Variants in SPAG17 observed in about 807,000 individuals in gnomAD.
SPAG17 encodes the protein sperm-associated antigen 17.
A neutral mutation model predicts 273.6 loss-of-function variants in SPAG17; 169 were observed. The ratio of observed to expected loss-of-function variants is 0.62; its 90% CI spans 0.55 to 0.70. The LOEUF (loss-of-function observed/expected upper bound fraction) is 0.70, where lower values mean the gene tolerates loss of function less well. Among genes scored for constraint, SPAG17 ranks in the 30% least tolerant of loss-of-function variants. The probability of loss-of-function intolerance (pLI) is 0.00; values close to 1 mark genes in which losing one functional copy is unlikely to be tolerated. For synonymous variants in SPAG17, 825 were observed against 873.2 expected (o/e 0.94, Z 0.97); for missense variants, 2,557 against 2,627.8 (o/e 0.97, Z 0.59).
chr1:117,968,961 A>G (rs78346219), intron 46 of SPAG17, among the ~76,000 whole-genome samples: 1 of 152,132 alleles, frequency 6.6e-6, no homozygotes, highest in Non-Finnish European at 1.5e-5. Context: ...CATTTTTAAC[A>G]TCCTCTGCGC....
intron 10 of SPAG17, among the ~76,000 whole-genome samples, chr1:118,089,354 T>TGTGTGTGTGA (rs1207965049): frequency 6.6e-6 from 1 of 150,628 alleles, no homozygotes; most frequent in East Asian, 2.0e-4. Context: ...TGTGTGTGTG[T>TGTGTGTGTGA]GGTGGCAGGT....
rs373972955 is a variant in SPAG17, at chr1:117,996,448, C to T, written c.4975G>A (p.Asp1659Asn). Residue 1659 changes from aspartate (D) to asparagine (N), a missense_variant, in exon 34 of 49, where the codon GAC becomes AAC. By Grantham distance (23) the Asp-to-Asn change is conservative. Coordinates refer to ENST00000336338, the MANE Select transcript of SPAG17 (RefSeq NM_206996.4). Reference protein sequence around the residue: ...GSGMELLRDSDIEEYLSLAYK... With the variant: ...GSGMELLRDSNIEEYLSLAYK... ...GCCAAAGATAGATATTCTTCTATGTCACTGTCTCGAAGAAGTTCCATTCCT... is the reference window on the plus strand; with the variant it reads ...GCCAAAGATAGATATTCTTCTATGTTACTGTCTCGAAGAAGTTCCATTCCT... 3 of 1,612,894 alleles carry T rather than the reference C, an allele frequency of 1.9e-6. No homozygotes were observed. The highest frequency in any genetic ancestry group is 1.3e-5 in the African/African-American group (1 of 74,846).
intron 1 of SPAG17, among the ~76,000 whole-genome samples, chr1:118,170,244 T>G (rs530509364): frequency 2.1e-3 from 314 of 152,254 alleles, no homozygotes; most frequent in African/African-American, 7.3e-3. Context: ...GGGGGACATA[T>G]AAGAAGAGTA....
chr1:118,086,154 T>A, intron 12 of SPAG17, 82 bp from the exon 13 acceptor site: 1 of 1,235,426 alleles, frequency 8.1e-7, no homozygotes, highest in South Asian at 1.3e-5. Context: ...CTAAACATGA[T>A]ACCTTCACCC....
chr1:118,089,457 G>A (rs1655229977), intron 10 of SPAG17, among the ~76,000 whole-genome samples: 1 of 151,676 alleles, frequency 6.6e-6, no homozygotes, highest in Admixed American at 6.6e-5. Context: ...GAATGTGACT[G>A]GAAATCAGAT....
At chr1:118,163,541 C>CTT (rs772258602) in intron 1 of SPAG17, among the ~76,000 whole-genome samples, 1 of 140,992 alleles carries the variant, frequency 7.1e-6, no homozygotes, top group South Asian at 2.3e-4. Context: ...TTCCTTCTTC[C>CTT]TTTTTTTTTT....
chr1:118,153,757 G>A (rs970563209), intron 1 of SPAG17, among the ~76,000 whole-genome samples: 3 of 152,062 alleles, frequency 2.0e-5, no homozygotes, highest in African/African-American at 4.8e-5. Flanking sequence ...GCTGAGGCAG[G>A]AGAATGGCAT....
chr1:118,056,481 C>T (rs546344542), intron 18 of SPAG17, among the ~76,000 whole-genome samples: 2 of 152,250 alleles, frequency 1.3e-5, no homozygotes, highest in East Asian at 3.9e-4. Flanking sequence ...CAATTTGTTG[C>T]TTACCAGCAG....
intron 1 of SPAG17, among the ~76,000 whole-genome samples, chr1:118,157,234 A>C (rs1032054811): frequency 1.3e-5 from 2 of 152,162 alleles, no homozygotes; most frequent in African/African-American, 4.8e-5. Flanking sequence ...TATGATTTTC[A>C]TTGGGAAGAC....
intron 48 of SPAG17, chr1:117,955,024 A>G: frequency 2.6e-6 from 1 of 390,898 alleles, no homozygotes; most frequent in East Asian, 4.0e-5. Flanking sequence ...TTATCTAGTA[A>G]TCTCTAATTA....
rs369179197 is a variant in SPAG17, at chr1:118,086,359, C to T, written c.1612-287G>A. 6.1e-4 allele frequency among the ~76,000 whole-genome samples: 93 copies of T among 152,212 alleles called. 2 individuals are homozygous for T. In the South Asian group the frequency reaches 0.019, roughly 31 times the overall value. On this transcript the variant is annotated intron_variant, in intron 12 of 48. Transcript: ENST00000336338. Reference sequence around the variant, plus strand: ...TCTCTCTTTTGAGATCCTTTTCTGGCTTCTACTAGTTTTTCATAGCAGCAG... The same window carrying T: ...TCTCTCTTTTGAGATCCTTTTCTGGTTTCTACTAGTTTTTCATAGCAGCAG...
chr1:118,011,910 CTTGA>C (rs1303442008), intron 30 of SPAG17, among the ~76,000 whole-genome samples: 2 of 151,928 alleles, frequency 1.3e-5, no homozygotes, highest in Non-Finnish European at 2.9e-5. Context: ...CGTTAATTCA[CTTGA>C]TTGAGTCATT....
At chr1:118,110,483 A>G (rs1656691595) in intron 4 of SPAG17, among the ~76,000 whole-genome samples, 1 of 152,194 alleles carries the variant, frequency 6.6e-6, no homozygotes, top group Admixed American at 6.5e-5. Context: ...AGATCAGCCA[A>G]TGCTATCCTA....
At chr1:118,084,294 A>C (rs1654824425) in intron 13 of SPAG17, among the ~76,000 whole-genome samples, 1 of 152,196 alleles carries the variant, frequency 6.6e-6, no homozygotes, top group African/African-American at 2.4e-5. Context: ...TGGAAAAAGA[A>C]ATCAAGATAA....
In SPAG17 at chr1:118,099,492, G is replaced by T. The variant is rs878884655; in HGVS notation, c.829+114C>A. ...AAATGGCAAATCAAAGTCTTGAAAA[G>T]ATTTAATAATGTACTAATTGTAAGA... On this transcript the variant is annotated intron_variant, in intron 6 of 48. Coordinates refer to ENST00000336338, the MANE Select transcript of SPAG17 (RefSeq NM_206996.4). 3.7e-6 allele frequency: 4 copies of T among 1,068,592 alleles called. No homozygotes were observed. The South Asian group carries it at 4.2e-5, about 11-fold the overall frequency. The allele number at this position is 1,068,592 out of a possible 1,614,324, so 66.2% of individuals were successfully genotyped here.
At chr1:118,078,810 C>G (rs1654309571) in intron 15 of SPAG17, among the ~76,000 whole-genome samples, 1 of 151,948 alleles carries the variant, frequency 6.6e-6, no homozygotes, top group African/African-American at 2.4e-5. Flanking sequence ...CATGCTATTT[C>G]TGCTCTATTG....
At chr1:118,122,273 AT>A (rs1657466555) in intron 3 of SPAG17, among the ~76,000 whole-genome samples, 1 of 151,978 alleles carries the variant, frequency 6.6e-6, no homozygotes, top group Non-Finnish European at 1.5e-5. Context: ...TAATTTGCAA[AT>A]GATTGAAAAG....
At chr1:118,167,927 A>G (rs1351605217) in intron 1 of SPAG17, among the ~76,000 whole-genome samples, 2 of 152,120 alleles carry the variant, frequency 1.3e-5, no homozygotes, top group Non-Finnish European at 1.5e-5. Context: ...AGTGTGTGGC[A>G]TGGCATCTCT....
In SPAG17 at chr1:118,179,762, C is replaced by A. The variant is rs143655458; in HGVS notation, c.87+5309G>T. The stretch of plus-strand genomic sequence containing the variant: ...TAAATAGGAAAAAACCCCAAATAAT[C>A]TGATTTAAAAATAGGCAAAGGATTC... On this transcript the variant is annotated intron_variant, in intron 1 of 48. Transcript: ENST00000336338. Among the ~76,000 whole-genome samples, 312 of 151,952 alleles carry A rather than the reference C, an allele frequency of 2.1e-3. 6 individuals are homozygous for A. The highest frequency in any genetic ancestry group is 7.2e-3 in the African/African-American group (300 of 41,520).
Sources: allele counts gnomAD v4.1 joint callset (sites outside exome capture counted in the v4.1 genomes callset), GRCh38; gene constraint gnomAD v4.1.1; transcripts MANE v1.5; gene names NCBI Gene and HGNC (gene_info 2026-07-23, HGNC 2026-07-21).